Variants in PKP2 observed in about 807,000 individuals in gnomAD.
The protein encoded by PKP2 is plakophilin 2.
A neutral mutation model predicts 83.4 loss-of-function variants in PKP2; 73 were observed. The observed-to-expected ratio is 0.88, with a 90% CI of 0.72 to 1.06. The LOEUF is 1.06. PKP2 is among the 50% of genes least tolerant of loss of function. The pLI, the probability that PKP2 is intolerant of heterozygous loss-of-function variation, is 0.00. For missense variants in PKP2, 966 were observed against 1,065.4 expected (o/e 0.91, Z 1.30); for synonymous variants, 409 against 430.4 (o/e 0.95, Z 0.62).
intron 10 of PKP2, among the ~76,000 whole-genome samples, chr12:32,796,663 T>A (rs1956129084): frequency 1.3e-5 from 2 of 152,140 alleles, no homozygotes; most frequent in Admixed American, 1.3e-4. Context: ...CCTCCCAAAG[T>A]GCTGGGATTA....
In PKP2 at chr12:32,838,430, C is replaced by G. The variant is rs182637723; in HGVS notation, c.1556+2598G>C. ...ATTAGAAGGCCAAACCTCGGCATCA[C>G]GCAATGTACCTGTGTGACAAACCTG... is the stretch of plus-strand genomic sequence containing the variant. On this transcript the variant is annotated intron_variant, in intron 6 of 12. Transcript: ENST00000340811. Among the ~76,000 whole-genome samples, 12 of 151,700 alleles carry G rather than the reference C, an allele frequency of 7.9e-5. No homozygotes were observed. In the East Asian group the frequency reaches 1.7e-3, roughly 22 times the overall value.
chr12:32,801,275 C>T (rs1377510672), intron 10 of PKP2, among the ~76,000 whole-genome samples: 2 of 152,112 alleles, frequency 1.3e-5, no homozygotes, highest in Non-Finnish European at 2.9e-5. Context: ...CTGTTATTTA[C>T]CTTGGTGGTG....
At position 32,821,504 on chromosome 12, in the gene PKP2, T is replaced by A. The variant is rs1342618497; in HGVS notation, c.1865A>T (p.Glu622Val). The change falls in exon 9 of 13, where the codon GAG becomes GTG. Residue 622 changes from glutamate (E) to valine (V), a missense_variant. Transcript: ENST00000340811. ...KEQYQDVPMPEEKSNPKGVEW... is the reference protein window; with the variant it reads ...KEQYQDVPMPVEKSNPKGVEW... ...CACGCCCTTGGGGTTGCTCTTTTCCTCCGGCATCGGCACGTCCTGGTATTG... is the reference window on the plus strand; with the variant it reads ...CACGCCCTTGGGGTTGCTCTTTTCCACCGGCATCGGCACGTCCTGGTATTG... The A allele has an allele frequency of 1.9e-6, 3 of 1,613,882 alleles. No homozygotes were observed.
intron 4 of PKP2, among the ~76,000 whole-genome samples, chr12:32,867,210 C>T (rs1363605780): frequency 6.6e-6 from 1 of 152,152 alleles, no homozygotes; most frequent in African/African-American, 2.4e-5. Context: ...CGCCTATGGT[C>T]CCAGCTACCC....
At chr12:32,836,472 T>C (rs1176861968) in intron 6 of PKP2, among the ~76,000 whole-genome samples, 3 of 152,234 alleles carry the variant, frequency 2.0e-5, no homozygotes, top group East Asian at 3.8e-4. Context: ...AAACATTTTA[T>C]ATGCAGAGCA....
chr12:32,800,939 G>A (rs2137721774), intron 10 of PKP2, among the ~76,000 whole-genome samples: 1 of 152,246 alleles, frequency 6.6e-6, no homozygotes, highest in African/African-American at 2.4e-5. Flanking sequence ...GTGAGAACAG[G>A]GAAAGTTACC....
At position 32,796,218 on chromosome 12, in the gene PKP2, A is replaced by C. The variant is rs1431341096; in HGVS notation, c.2248T>G (p.Ser750Ala). The C allele has an allele frequency of 1.2e-6, 2 of 1,613,502 alleles. No individual in the cohort carries two copies. Among genetic ancestry groups the C allele is most frequent in the East Asian group, 4.5e-5 (2 of 44,838 alleles). ...ATGTTGTTCAATGTGTAACAGGCAG[A>C]GGCTGTAGTTTCAATGAGAAGGTCA... ...STDLLIETTASACYTLNNIIQ... is the reference protein window; with the variant it reads ...STDLLIETTAAACYTLNNIIQ... The change falls in exon 11 of 13, where the codon TCT (serine) becomes GCT (alanine). Residue 750 changes from serine to alanine, a missense_variant. Physicochemically the swap from Ser to Ala is moderately conservative, Grantham distance 99. Coordinates refer to ENST00000340811, the MANE Select transcript of PKP2 (RefSeq NM_001005242.3).
At chr12:32,882,365 C>T (rs143846263) in intron 1 of PKP2, among the ~76,000 whole-genome samples, 1 of 152,086 alleles carries the variant, frequency 6.6e-6, no homozygotes, top group Non-Finnish European at 1.5e-5. Context: ...TCAAGAAAAA[C>T]TCTGTAAATC....
At chr12:32,855,155 A>G (rs1485624449) in intron 4 of PKP2, among the ~76,000 whole-genome samples, 1 of 152,266 alleles carries the variant, frequency 6.6e-6, no homozygotes, top group Non-Finnish European at 1.5e-5. Context: ...TGTGAAATGA[A>G]GACACAGACT....
chr12:32,852,001 G>T (rs1956700715), intron 4 of PKP2, among the ~76,000 whole-genome samples: 1 of 152,188 alleles, frequency 6.6e-6, no homozygotes, highest in South Asian at 2.1e-4. Context: ...TAAGCAGGGA[G>T]ATTTTCTGTT....
intron 9 of PKP2, among the ~76,000 whole-genome samples, chr12:32,812,114 T>G (rs1278777964): frequency 6.2e-5 from 1 of 16,208 alleles, no homozygotes; most frequent in African/African-American, 9.3e-5. Context: ...CTGGGAGGGT[T>G]TTTTTTTTTT....
At chr12:32,854,817 G>A (rs1251933598) in intron 4 of PKP2, among the ~76,000 whole-genome samples, 1 of 152,144 alleles carries the variant, frequency 6.6e-6, no homozygotes, top group Non-Finnish European at 1.5e-5. Context: ...AGTAAATGAC[G>A]AGGACTTCTG....
chr12:32,872,897 G>C (rs1457757565), intron 3 of PKP2, among the ~76,000 whole-genome samples: 1 of 151,532 alleles, frequency 6.6e-6, no homozygotes, highest in Non-Finnish European at 1.5e-5. Flanking sequence ...AATGGAAATG[G>C]AAAAAAAAGG....
At chr12:32,793,102 G>A (rs1956087327) in intron 11 of PKP2, among the ~76,000 whole-genome samples, 1 of 152,226 alleles carries the variant, frequency 6.6e-6, no homozygotes, top group African/African-American at 2.4e-5. Context: ...CTAGCTGGGC[G>A]TGGCAGTGTG....
chr12:32,878,608 A>C (rs1956957918), intron 2 of PKP2, 65 bp from the exon 3 acceptor site: 1 of 1,286,550 alleles, frequency 7.8e-7, no homozygotes, highest in Non-Finnish European at 1.1e-6. Context: ...CTGAGGACTA[A>C]TTACTCTGGG....
In PKP2 at chr12:32,878,321, C is replaced by T. The variant is rs200095747; in HGVS notation, c.559G>A (p.Ala187Thr). Reference sequence around the variant, plus strand: ...GCATATCTCGGTGGCACTAGGAGGGCGGCCCGCCTGCTTTCTTGGTGGTGC... The same window carrying T: ...GCATATCTCGGTGGCACTAGGAGGGTGGCCCGCCTGCTTTCTTGGTGGTGC... ...TLHHQESRRA[A>T]LLVPPRYARS... The change falls in exon 3 of 13, where the codon GCC becomes ACC. Residue 187 changes from alanine to threonine, a missense_variant. Physicochemically the swap from Ala to Thr is moderately conservative, Grantham distance 58 (BLOSUM62 0). Transcript: ENST00000340811. 2.4e-5 allele frequency: 38 copies of T among 1,611,858 alleles called. No individual in the cohort carries two copies. The highest frequency in any genetic ancestry group is 1.5e-4 in the Admixed American group (9 of 59,944).
At chr12:32,828,061 C>T (rs1325548904) in intron 6 of PKP2, among the ~76,000 whole-genome samples, 2 of 152,222 alleles carry the variant, frequency 1.3e-5, no homozygotes, top group African/African-American at 2.4e-5. Flanking sequence ...GAGTTCTTCA[C>T]CTCCACTGGT....
chr12:32,896,329 G>T (rs993571837), intron 1 of PKP2, among the ~76,000 whole-genome samples, 180 bp downstream of exon 1: 1 of 152,238 alleles, frequency 6.6e-6, no homozygotes, highest in African/African-American at 2.4e-5. Flanking sequence ...ACAAAGCTGA[G>T]TAATAGGTTA....
Position 32,824,169 on chromosome 12 carries a change from GAAAAAAC to G in PKP2, c.1557-14_1557-8del, listed in dbSNP as rs1220372775. On this transcript the variant is annotated splice_region_variant and splice_polypyrimidine_tract_variant and intron_variant, in intron 6 of 12. Transcript: ENST00000340811. ...GCCAGCAGAACTCATGTTTCTATCA[GAAAAAAC>G]AAAAAACAAAAAAGTAAGTCTAGGC... The G allele has an allele frequency of 8.1e-6, 13 of 1,597,984 alleles. No individual in the cohort carries two copies. In the Admixed American group the frequency reaches 1.3e-4, roughly 16 times the overall value.
Sources: allele counts gnomAD v4.1 joint callset (sites outside exome capture counted in the v4.1 genomes callset), GRCh38; gene constraint gnomAD v4.1.1; transcripts MANE v1.5; gene names NCBI Gene and HGNC (gene_info 2026-07-23, HGNC 2026-07-21).